Variants in CNTNAP4 observed in about 807,000 individuals in gnomAD.
The protein encoded by CNTNAP4 is contactin associated protein family member 4.
Under a neutral mutation model 148.4 loss-of-function variants are expected in CNTNAP4, and 98 were observed. The observed-to-expected ratio is 0.66, with a 90% CI of 0.56 to 0.78. The LOEUF is 0.78. CNTNAP4 is among the 30% of genes least tolerant of loss of function. The pLI, the probability that CNTNAP4 is intolerant of heterozygous loss-of-function variation, is 0.00. For missense variants in CNTNAP4, 1,935 were observed against 1,565.6 expected (o/e 1.24, Z -3.98); for synonymous variants, 730 against 565.1 (o/e 1.29, Z -4.14).
intron 15 of CNTNAP4, among the ~76,000 whole-genome samples, chr16:76,508,621 T>C (rs1253954030): frequency 1.0e-5 from 1 of 95,610 alleles, no homozygotes; most frequent in African/African-American, 2.6e-5. Flanking sequence ...TTTTAGTACT[T>C]TCAAAAGGTT....
At chr16:76,385,856 C>T (rs2016466555) in intron 3 of CNTNAP4, among the ~76,000 whole-genome samples, 1 of 152,098 alleles carries the variant, frequency 6.6e-6, no homozygotes, top group South Asian at 2.1e-4. Context: ...CATATTTTCT[C>T]CGTAAGGTGC....
At chr16:76,439,447 A>G (rs760573140) in intron 4 of CNTNAP4, among the ~76,000 whole-genome samples, 37 of 152,160 alleles carry the variant, frequency 2.4e-4, no homozygotes, top group Non-Finnish European at 3.1e-4. Flanking sequence ...TTTTCAGTAC[A>G]TAGCCAAATA....
At position 76,545,518 on chromosome 16, in the gene CNTNAP4, A is replaced by G. The variant is rs532653803; in HGVS notation, c.3442+4728A>G. The stretch of plus-strand genomic sequence containing the variant: ...AGTGGGCAAGTGTATTCCTCTGACA[A>G]TGATGTCACCTGCAAAGCTTTTTAT... On this transcript the variant is annotated intron_variant, in intron 21 of 23. Coordinates refer to ENST00000611870, the MANE Select transcript of CNTNAP4 (RefSeq NM_033401.5). Among the ~76,000 whole-genome samples, 4 of 152,296 alleles carry G rather than the reference A, an allele frequency of 2.6e-5. No homozygotes were observed. The South Asian group carries it at 6.2e-4, about 24-fold the overall frequency.
In CNTNAP4 at chr16:76,521,180, A is replaced by C; in HGVS notation, c.2406A>C (p.Ser802=). The C allele has an allele frequency of 6.2e-7, 1 of 1,608,520 alleles. No homozygotes were observed. The highest frequency in any genetic ancestry group is 1.1e-5 in the South Asian group (1 of 89,572). ...WNSASFDTEA[S]YLHFPTFHGE... is the part of the protein sequence containing the mutation. Reference sequence around the variant, plus strand: ...CAGCTTCCTTTGATACCGAGGCTTCATATCTTCATTTTCCTACCTTCCACG... The same window carrying C: ...CAGCTTCCTTTGATACCGAGGCTTCCTATCTTCATTTTCCTACCTTCCACG... Residue 802 remains serine, a synonymous_variant, in exon 16 of 24, where the codon TCA becomes TCC. Transcript: ENST00000611870.
chr16:76,328,346 C>A (rs1963196647), intron 2 of CNTNAP4, among the ~76,000 whole-genome samples: 1 of 152,140 alleles, frequency 6.6e-6, no homozygotes, highest in African/African-American at 2.4e-5. Context: ...AGTATAGAAT[C>A]TTCTACACAA....
At chr16:76,395,963 A>C (rs768620824) in intron 3 of CNTNAP4, among the ~76,000 whole-genome samples, 3 of 152,090 alleles carry the variant, frequency 2.0e-5, no homozygotes, top group Non-Finnish European at 4.4e-5. Flanking sequence ...TCCTGACCTC[A>C]GGTGATCTGC....
rs1344229735 is a variant in CNTNAP4, at chr16:76,316,497, G to T, written c.170G>T (p.Gly57Val). 3 of 1,613,656 alleles carry T rather than the reference G, an allele frequency of 1.9e-6. No individual in the cohort carries two copies. The highest frequency in any genetic ancestry group is 2.5e-6 in the Non-Finnish European group (3 of 1,179,622). ...SSELSSSHGP[G>V]FARLNRRDGA... ...GAGCTCTCCAGCAGTCATGGTCCTG[G>T]ATTTGCAAGGCTGAATAGAAGAGAT... is the stretch of plus-strand genomic sequence containing the variant. The change falls in exon 2 of 24, where the codon GGA becomes GTA. Residue 57 changes from glycine to valine, a missense_variant. By Grantham distance (109) the Gly-to-Val change is moderately radical. Coordinates refer to ENST00000611870, the MANE Select transcript of CNTNAP4 (RefSeq NM_033401.5).
At chr16:76,467,280 T>C (rs1213730263) in intron 9 of CNTNAP4, 72 bp from the exon 10 acceptor site, 2 of 1,345,660 alleles carry the variant, frequency 1.5e-6, no homozygotes, top group Non-Finnish European at 2.1e-6. Context: ...TTTTATTTTT[T>C]AAATGAAGTT....
intron 17 of CNTNAP4, among the ~76,000 whole-genome samples, chr16:76,530,753 C>T (rs574401999): frequency 1.3e-5 from 2 of 152,238 alleles, no homozygotes; most frequent in Non-Finnish European, 2.9e-5. Context: ...CCTGTTCCTC[C>T]CCTCCTTTCC....
intron 15 of CNTNAP4, among the ~76,000 whole-genome samples, chr16:76,515,186 C>G (rs1460532486): frequency 3.3e-5 from 5 of 152,064 alleles, no homozygotes; most frequent in African/African-American, 9.7e-5. Flanking sequence ...TGCAAACCAC[C>G]TATCTGAGAA....
At position 76,535,736 on chromosome 16, in the gene CNTNAP4, T is replaced by G. The variant is rs1217416420; in HGVS notation, c.2947T>G (p.Phe983Val). 1 of 1,613,866 alleles carries G rather than the reference T, an allele frequency of 6.2e-7. No homozygotes were observed. The highest frequency in any genetic ancestry group is 1.7e-5 in the Admixed American group (1 of 60,004). ...ATGCAGAGAAAGACCCATTGGGTTC[T>G]TTTGTGACTGCACTTTCTCTGCATA... Reference protein sequence around the residue: ...GKCRERPIGFFCDCTFSAYTG... With the variant: ...GKCRERPIGFVCDCTFSAYTG... Residue 983 changes from phenylalanine to valine, a missense_variant, in exon 18 of 24, where the codon TTT (phenylalanine) becomes GTT (valine). By Grantham distance (50) the Phe-to-Val change is conservative. Coordinates refer to ENST00000611870, the MANE Select transcript of CNTNAP4 (RefSeq NM_033401.5).
intron 3 of CNTNAP4, among the ~76,000 whole-genome samples, chr16:76,388,864 T>C (rs1184362887): frequency 6.6e-6 from 1 of 152,228 alleles, no homozygotes. Context: ...TGTCCCAACA[T>C]GCTCTGCTTC....
At chr16:76,291,175 T>C (rs1959099982) in intron 1 of CNTNAP4, among the ~76,000 whole-genome samples, 2 of 152,234 alleles carry the variant, frequency 1.3e-5, no homozygotes, top group Non-Finnish European at 2.9e-5. Context: ...GCTCTCACTG[T>C]TGCAACTGTC....
chr16:76,405,174 T>A (rs1216267099), intron 3 of CNTNAP4, among the ~76,000 whole-genome samples: 1 of 151,596 alleles, frequency 6.6e-6, no homozygotes, highest in African/African-American at 2.4e-5. Context: ...ATAGACTTGT[T>A]TTCACTATGA....
At chr16:76,484,568 G>C (rs2081958587) in intron 12 of CNTNAP4, among the ~76,000 whole-genome samples, 1 of 152,024 alleles carries the variant, frequency 6.6e-6, no homozygotes, top group Admixed American at 6.6e-5. Flanking sequence ...TTGCAAATGA[G>C]GAAGCCAAGA....
intron 7 of CNTNAP4, 65 bp downstream of exon 7, chr16:76,449,923 T>A: frequency 7.0e-7 from 1 of 1,421,926 alleles, no homozygotes; most frequent in Non-Finnish European, 9.4e-7. Flanking sequence ...GTAAAATTCC[T>A]CCATTTTAGG....
At chr16:76,495,694 T>C (rs2082379603) in intron 14 of CNTNAP4, among the ~76,000 whole-genome samples, 2 of 152,116 alleles carry the variant, frequency 1.3e-5, no homozygotes, top group African/African-American at 4.8e-5. Context: ...TGTATACTGC[T>C]CTTATTTATT....
chr16:76,538,460 T>G (rs1445755367), intron 19 of CNTNAP4, 120 bp downstream of exon 19: 7 of 709,416 alleles, frequency 9.9e-6, no homozygotes, highest in African/African-American at 1.8e-5. Context: ...GTGTGCCTGT[T>G]TTTTGTAGTC....
chr16:76,406,938 A>G (rs4888497), intron 3 of CNTNAP4, among the ~76,000 whole-genome samples: 56,469 of 151,992 alleles, frequency 0.37, 10,752 homozygotes, highest in Middle Eastern at 0.49. Flanking sequence ...ATCATAGGTA[A>G]AGGTGGCTAC....
Sources: allele counts gnomAD v4.1 joint callset (sites outside exome capture counted in the v4.1 genomes callset), GRCh38; gene constraint gnomAD v4.1.1; transcripts MANE v1.5; gene names NCBI Gene and HGNC (gene_info 2026-07-23, HGNC 2026-07-21).